Variants in NXPE2 observed in about 807,000 individuals in gnomAD.
NXPE2 encodes neurexophilin and PC-esterase domain family member 2, also known as NXPE family member 2.
Under a neutral mutation model 34.4 loss-of-function variants are expected in NXPE2, and 34 were observed. The ratio of observed to expected loss-of-function variants is 0.99; its 90% CI spans 0.75 to 1.31. The LOEUF is 1.31. Among genes scored for constraint, NXPE2 ranks in the 40% most tolerant of loss-of-function variants. The pLI is 0.00. For synonymous variants in NXPE2, 235 were observed against 231.3 expected (o/e 1.02, Z -0.15); for missense variants, 649 against 672.5 (o/e 0.97, Z 0.39).
At chr11:114,471,035 T>C in the NXPE2 span, among the ~76,000 whole-genome samples, 1 of 152,352 alleles carries the variant, frequency 6.6e-6, no homozygotes, top group Admixed American at 6.5e-5. Context: ...TTCTGGATTC[T>C]AGTCCTCTCT....
At chr11:114,470,611 GTGTGTGTGTGTGTA>G in the NXPE2 span, among the ~76,000 whole-genome samples, 1 of 118,282 alleles carries the variant, frequency 8.5e-6, no homozygotes, top group Non-Finnish European at 1.8e-5. Flanking sequence ...GTGTGTGTGT[GTGTGTGTGTGTGTA>G]TACAGAGAGG....
At chr11:114,656,244 G>C in the NXPE2 span, among the ~76,000 whole-genome samples, 1 of 151,978 alleles carries the variant, frequency 6.6e-6, no homozygotes, top group Non-Finnish European at 1.5e-5. Flanking sequence ...ACCTCTTCAA[G>C]GAGAACTACA....
At position 114,705,839 on chromosome 11, in the gene NXPE2, T is replaced by C; in HGVS notation, c.987T>C (p.Gly329=). 6.5e-7 allele frequency: 1 copy of C among 1,542,838 alleles called. No individual in the cohort carries two copies. Among genetic ancestry groups the C allele is most frequent in the Non-Finnish European group, 8.7e-7 (1 of 1,143,394 alleles). The change falls in exon 5 of 6, where the codon GGT becomes GGC. Residue 329 remains glycine (G), a synonymous_variant. Transcript: ENST00000389586. ...QIGMKTPFPS[G]YTLKKMWITA... is the part of the protein sequence containing the mutation. ...GAATGAAGACTCCTTTCCCCAGTGGTTATACTTTGAAAAAAATGTGGATTA... is the reference window on the plus strand; with the variant it reads ...GAATGAAGACTCCTTTCCCCAGTGGCTATACTTTGAAAAAAATGTGGATTA...
At chr11:114,564,225 A>G in the NXPE2 span, among the ~76,000 whole-genome samples, 2 of 152,172 alleles carry the variant, frequency 1.3e-5, no homozygotes, top group Non-Finnish European at 1.5e-5. Context: ...ACATCATATC[A>G]TATGTTCTCA....
the NXPE2 span, among the ~76,000 whole-genome samples, chr11:114,585,169 C>T: frequency 2.6e-5 from 4 of 151,742 alleles, no homozygotes; most frequent in South Asian, 4.2e-4. Flanking sequence ...ACTCACACTG[C>T]CTGCCATCTG....
the NXPE2 span, among the ~76,000 whole-genome samples, chr11:114,726,366 G>A: frequency 7.2e-5 from 11 of 151,800 alleles, no homozygotes; most frequent in African/African-American, 2.2e-4. Flanking sequence ...TCCTGCTTGA[G>A]GTTCTGTGAA....
chr11:114,811,547 G>A, the NXPE2 span, among the ~76,000 whole-genome samples: 3 of 152,032 alleles, frequency 2.0e-5, no homozygotes, highest in East Asian at 1.9e-4. Context: ...TAGACGGAAC[G>A]AGGCAAACAG....
the NXPE2 span, among the ~76,000 whole-genome samples, chr11:114,539,896 T>C: frequency 6.6e-6 from 1 of 152,168 alleles, no homozygotes; most frequent in Admixed American, 6.5e-5. Flanking sequence ...TTTCACTATA[T>C]TGAAAAAAAC....
chr11:114,612,373 G>A, the NXPE2 span, among the ~76,000 whole-genome samples: 1 of 151,750 alleles, frequency 6.6e-6, no homozygotes, highest in Non-Finnish European at 1.5e-5. Context: ...TTACCCGATG[G>A]ACAATAAGTA....
the NXPE2 span, among the ~76,000 whole-genome samples, chr11:114,718,656 C>T: frequency 6.6e-6 from 1 of 152,140 alleles, no homozygotes; most frequent in African/African-American, 2.4e-5. Context: ...TGAAAAGAAA[C>T]TCCAGGGGGC....
At chr11:114,778,464 C>T in the NXPE2 span, among the ~76,000 whole-genome samples, 4 of 152,146 alleles carry the variant, frequency 2.6e-5, no homozygotes, top group Non-Finnish European at 5.9e-5. Context: ...GACTAGGCTC[C>T]AGTGGGCAAG....
the NXPE2 span, among the ~76,000 whole-genome samples, chr11:114,775,098 C>T: frequency 1.3e-5 from 2 of 152,204 alleles, no homozygotes; most frequent in African/African-American, 2.4e-5. Context: ...GCAGTGGGTC[C>T]GCTCTGGGGG....
chr11:114,640,280 ATTATT>A, the NXPE2 span, among the ~76,000 whole-genome samples: 1 of 144,018 alleles, frequency 6.9e-6, no homozygotes, highest in Non-Finnish European at 1.5e-5. Context: ...TATATAATAC[ATTATT>A]TTGTTCATTT....
chr11:114,480,826 C>T, the NXPE2 span, among the ~76,000 whole-genome samples: 2 of 152,142 alleles, frequency 1.3e-5, no homozygotes, highest in South Asian at 4.1e-4. Flanking sequence ...TAATTTGTGA[C>T]TTTTTAATTT....
chr11:114,735,373 TTATC>T, the NXPE2 span, among the ~76,000 whole-genome samples: 1 of 152,134 alleles, frequency 6.6e-6, no homozygotes, highest in African/African-American at 2.4e-5. Flanking sequence ...TTCTTATATC[TTATC>T]TAAGAATTTT....
At chr11:114,532,017 A>G in the NXPE2 span, among the ~76,000 whole-genome samples, 34,475 of 152,136 alleles carry the variant, frequency 0.23, 5,504 homozygotes, top group African/African-American at 0.44. Flanking sequence ...AAGCCTCAAA[A>G]GCAATCTTAG....
chr11:114,736,056 G>A, the NXPE2 span, among the ~76,000 whole-genome samples: 1 of 152,136 alleles, frequency 6.6e-6, no homozygotes, highest in African/African-American at 2.4e-5. Context: ...TATGAATAGG[G>A]TGTGGGTCAG....
chr11:114,798,092 T>C, the NXPE2 span, among the ~76,000 whole-genome samples: 1 of 152,198 alleles, frequency 6.6e-6, no homozygotes, highest in African/African-American at 2.4e-5. Flanking sequence ...ATTTCCCTTA[T>C]TTATATATAT....
chr11:114,768,830 A>C, the NXPE2 span, among the ~76,000 whole-genome samples: 1 of 152,112 alleles, frequency 6.6e-6, no homozygotes, highest in Non-Finnish European at 1.5e-5. Flanking sequence ...GGTTTTCTAA[A>C]TATACAATCT....
Sources: gnomAD v4.1 joint callset for allele counts (sites outside exome capture counted in the v4.1 genomes callset) on GRCh38, gnomAD v4.1.1 for gene constraint, MANE v1.5 for transcripts, NCBI Gene and HGNC (gene_info 2026-07-23, HGNC 2026-07-21) for gene names.